Variants in ACTR3C observed in about 807,000 individuals in gnomAD.
ACTR3C encodes actin-related protein 3C.
ACTR3C carries 18 observed loss-of-function variants against 26.3 expected under a neutral mutation model. The ratio of observed to expected loss-of-function variants is 0.68; its 90% CI spans 0.47 to 1.01. The LOEUF is 1.01. Among genes scored for constraint, ACTR3C ranks in the 50% least tolerant of loss-of-function variants. The probability of loss-of-function intolerance (pLI) is 0.00; values close to 1 mark genes in which losing one functional copy is unlikely to be tolerated. For missense variants in ACTR3C, 184 were observed against 250.7 expected (o/e 0.73, Z 1.80); for synonymous variants, 55 against 94.5 (o/e 0.58, Z 2.42).
chr7:149,922,261 G>A, the ACTR3C span, among the ~76,000 whole-genome samples: 5 of 137,088 alleles, frequency 3.6e-5, no homozygotes, highest in South Asian at 2.4e-4. Flanking sequence ...GAGGACAGGC[G>A]GGTTTAAGGG....
chr7:150,284,653 A>G lies in ACTR3C; in HGVS notation c.564+100T>C, dbSNP rs972217992. 3.0e-5 allele frequency: 30 copies of G among 1,005,694 alleles called. No individual in the cohort carries two copies. In the African/African-American group the frequency reaches 4.4e-4, roughly 15 times the overall value. 62.3% of individuals were successfully genotyped at this position (1,005,694 alleles called of 1,614,324 possible). A position where few individuals can be genotyped will look rare whatever the true frequency, so the allele number is the denominator to read the frequency against. The stretch of plus-strand genomic sequence containing the variant: ...AATCCTATGAAACAGAAGGTGAAAC[A>G]GGGATATTTACTAGTAATAGACAGT... On this transcript the variant is annotated intron_variant, in intron 6 of 7. Coordinates refer to ENST00000683684, the MANE Select transcript of ACTR3C (RefSeq NM_001164458.2).
chr7:150,065,983 TATC>T, the ACTR3C span, among the ~76,000 whole-genome samples: 2 of 152,092 alleles, frequency 1.3e-5, no homozygotes, highest in Non-Finnish European at 2.9e-5. Flanking sequence ...AGTGCCCAGA[TATC>T]ATCAAGAACA....
the ACTR3C span, among the ~76,000 whole-genome samples, chr7:149,990,033 C>T: frequency 2.0e-5 from 3 of 152,128 alleles, no homozygotes; most frequent in Non-Finnish European, 2.9e-5. Flanking sequence ...CTCCTTCCCT[C>T]ACTTCCGGAG....
the ACTR3C span, among the ~76,000 whole-genome samples, chr7:150,184,423 T>C: frequency 6.6e-6 from 1 of 150,582 alleles, no homozygotes; most frequent in Non-Finnish European, 1.5e-5. Context: ...CTCTGTTCCA[T>C]GTCTATGGAC....
chr7:149,981,863 G>A, the ACTR3C span, among the ~76,000 whole-genome samples: 5 of 152,196 alleles, frequency 3.3e-5, no homozygotes, highest in African/African-American at 1.2e-4. Context: ...AACTCTTGCC[G>A]TCAGCATGCC....
At chr7:150,288,709 TC>T (rs1381667326) in intron 4 of ACTR3C, among the ~76,000 whole-genome samples, 1 of 147,002 alleles carries the variant, frequency 6.8e-6, no homozygotes, top group Non-Finnish European at 1.5e-5. Flanking sequence ...CAGGAAACCT[TC>T]CCCTGAGATG....
At chr7:149,930,772 C>T in the ACTR3C span, among the ~76,000 whole-genome samples, 1 of 152,248 alleles carries the variant, frequency 6.6e-6, no homozygotes, top group African/African-American at 2.4e-5. Context: ...ATGAGCCCCA[C>T]ACATACTTAA....
intron 6 of ACTR3C, among the ~76,000 whole-genome samples, chr7:150,265,478 G>A (rs1833964044): frequency 1.3e-5 from 2 of 152,092 alleles, no homozygotes; most frequent in African/African-American, 2.4e-5. Flanking sequence ...CGGATCACCT[G>A]AGGTCAGGAG....
the ACTR3C span, among the ~76,000 whole-genome samples, chr7:150,087,633 C>G: frequency 2.6e-5 from 4 of 152,164 alleles, no homozygotes; most frequent in East Asian, 7.7e-4. Context: ...CGAGTGAGCC[C>G]GTGGAAGAGG....
chr7:150,241,946 G>A (rs540879260), downstream of ACTR3C, among the ~76,000 whole-genome samples: 7 of 152,196 alleles, frequency 4.6e-5, no homozygotes, highest in East Asian at 1.9e-4. Flanking sequence ...GGCCAGGCGC[G>A]GTGGCTCACA....
chr7:150,049,306 G>A, the ACTR3C span, among the ~76,000 whole-genome samples: 1 of 151,988 alleles, frequency 6.6e-6, no homozygotes, highest in East Asian at 2.0e-4. Flanking sequence ...TCGTCCCCAC[G>A]TCCTCCTTGC....
the ACTR3C span, among the ~76,000 whole-genome samples, chr7:149,908,895 C>T: frequency 6.6e-6 from 1 of 152,032 alleles, no homozygotes; most frequent in African/African-American, 2.4e-5. Flanking sequence ...GATTCTCCTG[C>T]CTCAGCCTCC....
the ACTR3C span, among the ~76,000 whole-genome samples, chr7:150,143,915 A>G: frequency 6.6e-6 from 1 of 152,210 alleles, no homozygotes; most frequent in Non-Finnish European, 1.5e-5. Context: ...CTTCTGGAAG[A>G]GAAGGAGATC....
the ACTR3C span, among the ~76,000 whole-genome samples, chr7:149,915,008 TA>T: frequency 6.6e-6 from 1 of 151,754 alleles, no homozygotes; most frequent in Non-Finnish European, 1.5e-5. Context: ...GCCTCCTGAG[TA>T]GCTGGGACTA....
the ACTR3C span, among the ~76,000 whole-genome samples, chr7:150,132,951 T>C: frequency 3.9e-5 from 6 of 152,184 alleles, no homozygotes; most frequent in Non-Finnish European, 8.8e-5. Context: ...CCTTTACAGA[T>C]AGGACTCACT....
chr7:150,145,138 G>A, the ACTR3C span, among the ~76,000 whole-genome samples: 682 of 151,712 alleles, frequency 4.5e-3, 7 homozygotes, highest in African/African-American at 0.016. Flanking sequence ...AAAAAATGGA[G>A]TTTGGGGATC....
At chr7:150,072,934 G>A in the ACTR3C span, among the ~76,000 whole-genome samples, 1 of 152,086 alleles carries the variant, frequency 6.6e-6, no homozygotes. Context: ...GAACAAGCAG[G>A]GAGAACAAAT....
At chr7:150,212,109 C>T in the ACTR3C span, among the ~76,000 whole-genome samples, 10 of 146,890 alleles carry the variant, frequency 6.8e-5, no homozygotes, top group Non-Finnish European at 1.0e-4. Context: ...AGGGCATGCA[C>T]AAGAAATTAC....
At chr7:150,047,664 G>GCGCCGCCGCCGC in the ACTR3C span, 5 of 1,014,080 alleles carry the variant, frequency 4.9e-6, no homozygotes, top group East Asian at 3.3e-4. Context: ...CCGGCCATCC[G>GCGCCGCCGCCGC]CGCCGCCGCC....
Sources: allele counts gnomAD v4.1 joint callset (sites outside exome capture counted in the v4.1 genomes callset), GRCh38; gene constraint gnomAD v4.1.1; transcripts MANE v1.5; gene names NCBI Gene and HGNC (gene_info 2026-07-23, HGNC 2026-07-21).